GDA: variants seen among roughly 807,000 people sequenced by gnomAD.
GDA encodes guanine deaminase.
Under a neutral mutation model 59.6 loss-of-function variants are expected in GDA, and 18 were observed. That is an observed-to-expected ratio of 0.30 (90% CI 0.21 to 0.45). GDA has a LOEUF of 0.45. GDA is among the 20% of genes least tolerant of loss of function. The pLI, the probability that GDA is intolerant of heterozygous loss-of-function variation, is 1.00. For synonymous variants in GDA, 201 were observed against 201.1 expected (o/e 1.00, Z 0.00); for missense variants, 427 against 552.3 (o/e 0.77, Z 2.27).
intron 9 of GDA, 120 bp downstream of exon 9, chr9:72,228,160 AC>A: frequency 1.5e-6 from 1 of 669,796 alleles, no homozygotes; most frequent in Admixed American, 2.2e-5. Flanking sequence ...GTTTGGCAGG[AC>A]CCAGATAGAT....
At chr9:72,133,332 T>TAATAATAA (rs1826105293) in intron 1 of GDA, among the ~76,000 whole-genome samples, 2 of 147,070 alleles carry the variant, frequency 1.4e-5, no homozygotes, top group South Asian at 2.2e-4. Flanking sequence ...ATAATAATAA[T>TAATAATAA]TTTAGCTTAG....
At chr9:72,133,308 A>AAAAAAT (rs767205305) in intron 1 of GDA, among the ~76,000 whole-genome samples, 42 of 101,532 alleles carry the variant, frequency 4.1e-4, no homozygotes, top group Non-Finnish European at 4.4e-4. Flanking sequence ...AAAAAAAAAA[A>AAAAAAT]AATAATAATA....
chr9:72,165,723 C>T lies in GDA; in HGVS notation c.123+16041C>T, dbSNP rs1829214228. 2.6e-5 allele frequency among the ~76,000 whole-genome samples: 4 copies of T among 151,946 alleles called. No individual in the cohort carries two copies. In the South Asian group the frequency reaches 8.3e-4, roughly 32 times the overall value. On this transcript the variant is annotated intron_variant, in intron 1 of 13. Transcript: ENST00000358399. ...GACCAGCCTGGCCAACATGGTGAAACCCCGTCTCTACTAAAAATACAAAAA... is the reference window on the plus strand; with the variant it reads ...GACCAGCCTGGCCAACATGGTGAAATCCCGTCTCTACTAAAAATACAAAAA...
chr9:72,206,770 T>G (rs1834767611), intron 3 of GDA, among the ~76,000 whole-genome samples: 2 of 152,086 alleles, frequency 1.3e-5, no homozygotes. Context: ...AGACTCCATC[T>G]CAATAATAAT....
rs927145439 is a variant in GDA, at chr9:72,249,670, A to C, written c.*1328A>C. The C allele has an allele frequency of 2.0e-5, 13 of 650,974 alleles. No homozygotes were observed. The African/African-American group carries it at 2.2e-4, about 11-fold the overall frequency. 40.3% of individuals were successfully genotyped at this position (650,974 alleles called of 1,614,324 possible). ...AAGTATTGGTGTGAATGTTATTTAAATTCTATATTTTTCTTATTTAATTAC... is the reference window on the plus strand; with the variant it reads ...AAGTATTGGTGTGAATGTTATTTAACTTCTATATTTTTCTTATTTAATTAC... On this transcript the variant is annotated 3_prime_UTR_variant, in exon 14 of 14. Transcript: ENST00000358399.
chr9:72,240,418 A>G (rs1052150431), intron 10 of GDA, among the ~76,000 whole-genome samples: 2 of 152,210 alleles, frequency 1.3e-5, no homozygotes, highest in Non-Finnish European at 2.9e-5. Flanking sequence ...GCATATTTCA[A>G]CAATTTCTGT....
At chr9:72,152,997 C>T (rs1827413486) in intron 1 of GDA, among the ~76,000 whole-genome samples, 1 of 152,148 alleles carries the variant, frequency 6.6e-6, no homozygotes, top group Non-Finnish European at 1.5e-5. Flanking sequence ...CCAGTTTCAG[C>T]TTTCTACATA....
intron 1 of GDA, among the ~76,000 whole-genome samples, chr9:72,152,834 C>CT (rs1317702730): frequency 1.3e-5 from 2 of 152,148 alleles, no homozygotes; most frequent in African/African-American, 4.8e-5. Context: ...GTTGCCATGG[C>CT]TTTTGGTGTT....
At chr9:72,222,189 AT>A (rs751251298) in intron 6 of GDA, among the ~76,000 whole-genome samples, 10 of 152,164 alleles carry the variant, frequency 6.6e-5, no homozygotes, top group Non-Finnish European at 5.9e-5. Context: ...GTCTATAAGC[AT>A]TTCTTTTTCT....
intron 5 of GDA, among the ~76,000 whole-genome samples, chr9:72,216,914 A>T (rs1836207871): frequency 6.6e-6 from 1 of 152,106 alleles, no homozygotes; most frequent in Non-Finnish European, 1.5e-5. Flanking sequence ...TGACCTCGTG[A>T]TCCACCCACC....
chr9:72,120,868 C>T (rs1330741048), intron 1 of GDA, among the ~76,000 whole-genome samples: 3 of 152,082 alleles, frequency 2.0e-5, no homozygotes, highest in African/African-American at 4.8e-5. Context: ...CTCTACTTTG[C>T]ACCACCGACC....
rs1839601865 is a variant in GDA at position 72,241,445 on chromosome 9, A to G, written c.1135+147A>G. 1.5e-5 allele frequency: 8 copies of G among 543,406 alleles called. 1 individual carries two copies. The South Asian group carries it at 3.0e-4, about 20-fold the overall frequency. The allele number at this position is 543,406 out of a possible 1,614,324, so 33.7% of individuals were successfully genotyped here. On this transcript the variant is annotated intron_variant, in intron 11 of 13. Transcript: ENST00000358399. ...CATGTAACATACCCAGAACTCAGCC[A>G]GTAAAGTGAAGTTCACTGAAGGAGG...
chr9:72,132,574 A>T (rs1158797497), intron 1 of GDA, among the ~76,000 whole-genome samples: 1 of 152,112 alleles, frequency 6.6e-6, no homozygotes, highest in East Asian at 1.9e-4. Context: ...CCTATTTTTT[A>T]AATCATGTCA....
At chr9:72,185,445 C>T (rs975865491) in intron 1 of GDA, among the ~76,000 whole-genome samples, 12 of 152,252 alleles carry the variant, frequency 7.9e-5, no homozygotes, top group South Asian at 2.1e-4. Flanking sequence ...TGTACTAGTC[C>T]GACGGGGTTT....
At chr9:72,139,563 T>C (rs1342279588) in intron 1 of GDA, among the ~76,000 whole-genome samples, 1 of 152,130 alleles carries the variant, frequency 6.6e-6, no homozygotes, top group Non-Finnish European at 1.5e-5. Flanking sequence ...CTTACACCTG[T>C]AATCCCAGGG....
intron 1 of GDA, among the ~76,000 whole-genome samples, chr9:72,128,272 T>C (rs1825914410): frequency 6.6e-6 from 1 of 152,202 alleles, no homozygotes; most frequent in Non-Finnish European, 1.5e-5. Flanking sequence ...TTATTCGTTA[T>C]TCTGTGTTCT....
At chr9:72,163,153 T>G (rs1184063924) in intron 1 of GDA, among the ~76,000 whole-genome samples, 2 of 151,996 alleles carry the variant, frequency 1.3e-5, no homozygotes, top group African/African-American at 2.4e-5. Flanking sequence ...ATCAATGGGA[T>G]TTGATGACAA....
chr9:72,240,413 T>G lies in GDA; in HGVS notation c.989-739T>G, dbSNP rs57857795. 9.3e-3 allele frequency among the ~76,000 whole-genome samples: 1,410 copies of G among 152,302 alleles called. 28 individuals are homozygous for G. Among genetic ancestry groups the G allele is most frequent in the African/African-American group, 0.032 (1,349 of 41,564 alleles). ...TTATCTTTATAACTATGCAGGCATATTTCAACAATTTCTGTGAGAGTTCAT... is the reference window on the plus strand; with the variant it reads ...TTATCTTTATAACTATGCAGGCATAGTTCAACAATTTCTGTGAGAGTTCAT... On this transcript the variant is annotated intron_variant, in intron 10 of 13. Transcript: ENST00000358399.
At chr9:72,145,376 C>T (rs1330925290), upstream of GDA, among the ~76,000 whole-genome samples, 1 of 152,178 alleles carries the variant, frequency 6.6e-6, no homozygotes, top group Non-Finnish European at 1.5e-5. Context: ...CCAAGTCCAT[C>T]CTATATTAAC....
Sources: allele counts gnomAD v4.1 joint callset (sites outside exome capture counted in the v4.1 genomes callset), GRCh38; gene constraint gnomAD v4.1.1; transcripts MANE v1.5; gene names NCBI Gene and HGNC (gene_info 2026-07-23, HGNC 2026-07-21).